The following PAX5 variants were observed in gnomAD, a reference collection of about 807,000 sequenced individuals.
PAX5 encodes paired box 5, also known as paired box protein Pax-5.
Under a neutral mutation model 43.7 loss-of-function variants are expected in PAX5, and 9 were observed. The ratio of observed to expected loss-of-function variants is 0.21; its 90% CI spans 0.12 to 0.36. PAX5 has a LOEUF of 0.36. PAX5 is among the 10% of genes least tolerant of loss of function. PAX5 has a pLI of 1.00. For synonymous variants in PAX5, 228 were observed against 214.3 expected (o/e 1.06, Z -0.56); for missense variants, 383 against 532.7 (o/e 0.72, Z 2.77).
chr9:37,002,754 C>G lies in PAX5; in HGVS notation c.498G>C (p.Gln166His), dbSNP rs1286467115. The G allele has an allele frequency of 1.2e-6, 2 of 1,609,970 alleles. No individual in the cohort carries two copies. Among genetic ancestry groups the G allele is most frequent in the Non-Finnish European group, 1.7e-6 (2 of 1,178,726 alleles). The change falls in exon 5 of 10, where the codon CAG becomes CAC. Residue 166 changes from glutamine to histidine, a missense_variant. By Grantham distance (24) the Gln-to-His change is conservative. This residue lies in a region of PAX5 where 291 missense variants were observed against 342.5 expected (regional missense o/e 0.85). Coordinates refer to ENST00000358127, the MANE Select transcript of PAX5 (RefSeq NM_016734.3). ...HSIVSTGSVT[Q>H]VSSVSTDSAG... ...CCGAATCCGTGCTCACCGAGGACAC[C>G]TGCGTCACGGAGCCAGTGGACACTG... is the stretch of plus-strand genomic sequence containing the variant.
chr9:36,986,121 G>T (rs1277184246), intron 5 of PAX5, among the ~76,000 whole-genome samples: 4 of 151,956 alleles, frequency 2.6e-5, no homozygotes, highest in South Asian at 2.1e-4. Flanking sequence ...CATCTGCTCC[G>T]CTGCCCAGCT....
chr9:36,887,524 A>G (rs550183163), intron 7 of PAX5, among the ~76,000 whole-genome samples: 1 of 152,342 alleles, frequency 6.6e-6, no homozygotes, highest in East Asian at 1.9e-4. Flanking sequence ...AATGTAAAAA[A>G]ATAAAACTCT....
At chr9:36,905,333 C>G (rs1183266625) in intron 7 of PAX5, among the ~76,000 whole-genome samples, 1 of 152,250 alleles carries the variant, frequency 6.6e-6, no homozygotes, top group East Asian at 1.9e-4. Context: ...ATGTGCACTT[C>G]ACCATAGTCC....
chr9:36,836,319 T>C lies in PAX5; in HGVS notation c.*4241A>G, dbSNP rs1057486059. The C allele has an allele frequency of 2.1e-5, 5 of 233,190 alleles. No individual in the cohort carries two copies. The highest frequency in any genetic ancestry group is 4.2e-5 in the Non-Finnish European group (5 of 118,104). The allele number at this position is 233,190 out of a possible 1,614,324, so 14.4% of individuals were successfully genotyped here. On this transcript the variant is annotated 3_prime_UTR_variant, in exon 10 of 10. Coordinates refer to ENST00000358127, the MANE Select transcript of PAX5 (RefSeq NM_016734.3). ...CTGGGAGAGTGGCAGGCTCTGGGCG[T>C]GCCCGTTTCTACCCCTGCCTTGCTG...
At chr9:36,903,862 A>G (rs1445341604) in intron 7 of PAX5, among the ~76,000 whole-genome samples, 1 of 152,230 alleles carries the variant, frequency 6.6e-6, no homozygotes, top group African/African-American at 2.4e-5. Context: ...TTCTTCAGAT[A>G]GGGGTCTGTC....
chr9:36,916,525 G>A (rs1201536132), intron 7 of PAX5, among the ~76,000 whole-genome samples: 2 of 152,154 alleles, frequency 1.3e-5, no homozygotes, highest in Admixed American at 6.5e-5. Context: ...CTTCGGAGGA[G>A]TTGGCATTTT....
chr9:36,986,510 G>A (rs1836432261), intron 5 of PAX5, among the ~76,000 whole-genome samples: 1 of 152,080 alleles, frequency 6.6e-6, no homozygotes, highest in Non-Finnish European at 1.5e-5. Flanking sequence ...CTTCCCGGGG[G>A]CGCCGCGCTC....
intron 6 of PAX5, among the ~76,000 whole-genome samples, chr9:36,959,800 G>A (rs1028084046): frequency 1.3e-5 from 2 of 152,254 alleles, no homozygotes; most frequent in Non-Finnish European, 2.9e-5. Context: ...GTACCCCAAT[G>A]GCCACCAGCC....
rs1033320568 is a variant in PAX5, at chr9:37,020,556, T to C, written c.212+80A>G. On this transcript the variant is annotated intron_variant, in intron 2 of 9. Coordinates refer to ENST00000358127, the MANE Select transcript of PAX5 (RefSeq NM_016734.3). The stretch of plus-strand genomic sequence containing the variant: ...GCCACCATGATTCTCACTATGATAC[T>C]GTCATATTGGACAGCTGCTGGGTCA... 8.0e-6 allele frequency: 11 copies of C among 1,380,826 alleles called. No individual in the cohort carries two copies. In the African/African-American group the frequency reaches 1.6e-4, roughly 20 times the overall value. 85.5% of individuals were successfully genotyped at this position (1,380,826 alleles called of 1,614,324 possible).
At chr9:36,951,365 G>A (rs921703983) in intron 6 of PAX5, among the ~76,000 whole-genome samples, 4 of 152,100 alleles carry the variant, frequency 2.6e-5, no homozygotes, top group Non-Finnish European at 5.9e-5. Context: ...TTTGTTCATT[G>A]ACATTTTTTG....
intron 5 of PAX5, among the ~76,000 whole-genome samples, chr9:36,973,726 C>T (rs1239559838): frequency 2.6e-5 from 4 of 152,078 alleles, no homozygotes; most frequent in Non-Finnish European, 4.4e-5. Context: ...TTAAAAATGG[C>T]TGGGCATGGT....
In PAX5 at chr9:36,894,709, A is replaced by C. The variant is rs139165454; in HGVS notation, c.911-12604T>G. Reference sequence around the variant, plus strand: ...GCCCCTAGCACAGGGCCCAGCACAGAGTGAACACTCAGTAAGGCCACCATT... The same window carrying C: ...GCCCCTAGCACAGGGCCCAGCACAGCGTGAACACTCAGTAAGGCCACCATT... On this transcript the variant is annotated intron_variant, in intron 7 of 9. Coordinates refer to ENST00000358127, the MANE Select transcript of PAX5 (RefSeq NM_016734.3). 4.2e-3 allele frequency among the ~76,000 whole-genome samples: 642 copies of C among 152,372 alleles called. 3 individuals carry two copies. The highest frequency in any genetic ancestry group is 0.015 in the African/African-American group (619 of 41,582).
intron 6 of PAX5, 125 bp from the exon 7 acceptor site, chr9:36,923,609 GGGCT>G: frequency 9.1e-7 from 1 of 1,104,282 alleles, no homozygotes; most frequent in Non-Finnish European, 1.3e-6. Context: ...GGCCCACAAG[GGGCT>G]CATGAACACT....
intron 6 of PAX5, among the ~76,000 whole-genome samples, chr9:36,925,036 C>T (rs2131980106): frequency 6.6e-6 from 1 of 152,030 alleles, no homozygotes; most frequent in African/African-American, 2.4e-5. Flanking sequence ...TGCAGGCACC[C>T]TGAGTAAAAT....
chr9:36,877,506 A>G (rs1236460721), intron 8 of PAX5, among the ~76,000 whole-genome samples: 4 of 152,324 alleles, frequency 2.6e-5, no homozygotes, highest in East Asian at 3.9e-4. Context: ...AGTGAAACAG[A>G]TCATTGCAGC....
chr9:36,968,874 C>T (rs1191982095), intron 5 of PAX5, among the ~76,000 whole-genome samples: 2 of 152,156 alleles, frequency 1.3e-5, no homozygotes, highest in Non-Finnish European at 2.9e-5. Flanking sequence ...TTGGTCAGCA[C>T]CCACCAAATG....
In PAX5 at chr9:36,834,923, C is replaced by T. The variant is rs733056; in HGVS notation, c.*5637G>A. 228,546 of 233,130 alleles carry T rather than the reference C, an allele frequency of 0.98. 112,166 individuals are homozygous for T. The highest frequency in any genetic ancestry group is 1 in the East Asian group (16,552 of 16,552). 14.4% of individuals were successfully genotyped at this position (233,130 alleles called of 1,614,324 possible). On this transcript the variant is annotated 3_prime_UTR_variant, in exon 10 of 10. Coordinates refer to ENST00000358127, the MANE Select transcript of PAX5 (RefSeq NM_016734.3). ...GCCTCAGAGTCGGGGAGGAGATGCA[C>T]GACTGCCAAGTCACCCCCACCCTGC...
Position 36,924,758 on chromosome 9 carries a change from A to T in PAX5, c.781-1274T>A, listed in dbSNP as rs1449472855. Among the ~76,000 whole-genome samples, 592 of 78,984 alleles carry T rather than the reference A, an allele frequency of 7.5e-3. 34 individuals carry two copies. The highest frequency in any genetic ancestry group is 0.028 in the African/African-American group (574 of 20,192). The allele number at this position is 78,984 out of a possible 152,430, so 51.8% of individuals were successfully genotyped here. ...GTGGAAGGAAGGAAGGAAGGAAGGA[A>T]GGAAGGAAGGAAGGAAGGAAGGAAA... On this transcript the variant is annotated intron_variant, in intron 6 of 9. Transcript: ENST00000358127.
At chr9:36,927,785 T>G (rs1267511153) in intron 6 of PAX5, among the ~76,000 whole-genome samples, 1 of 151,798 alleles carries the variant, frequency 6.6e-6, no homozygotes, top group African/African-American at 2.4e-5. Context: ...CTTGGCTCAC[T>G]GCAACCTCCG....
Sources: allele counts gnomAD v4.1 joint callset (sites outside exome capture counted in the v4.1 genomes callset), GRCh38; gene constraint gnomAD v4.1.1; regional missense constraint gnomAD v4.1.1; transcripts MANE v1.5; gene names NCBI Gene and HGNC (gene_info 2026-07-23, HGNC 2026-07-21).